The following GPR161 variants were observed in gnomAD, a reference collection of about 807,000 sequenced individuals.
The protein encoded by GPR161 is G-protein coupled receptor RE2.
GPR161 carries 25 observed loss-of-function variants against 39.2 expected under a neutral mutation model. The observed-to-expected ratio is 0.64, with a 90% CI of 0.47 to 0.89. GPR161 has a LOEUF of 0.89. Among genes scored for constraint, GPR161 ranks in the 40% least tolerant of loss-of-function variants. The pLI, the probability that GPR161 is intolerant of heterozygous loss-of-function variation, is 0.00. For synonymous variants in GPR161, 286 were observed against 276.6 expected (o/e 1.03, Z -0.34); for missense variants, 547 against 677.8 (o/e 0.81, Z 2.14).
At chr1:168,131,365 A>G (rs1698977950) in intron 1 of GPR161, among the ~76,000 whole-genome samples, 1 of 152,130 alleles carries the variant, frequency 6.6e-6, no homozygotes, top group Non-Finnish European at 1.5e-5. Flanking sequence ...CAAATTGCTC[A>G]CAGTTCTCCA....
In GPR161 at chr1:168,085,097, G is replaced by T. The variant is rs1295693673; in HGVS notation, c.*434C>A. 8.7e-6 allele frequency: 4 copies of T among 458,754 alleles called. No homozygotes were observed. Among genetic ancestry groups the T allele is most frequent in the Non-Finnish European group, 1.7e-5 (4 of 228,952 alleles). The allele number at this position is 458,754 out of a possible 1,614,324, so 28.4% of individuals were successfully genotyped here. A position where few individuals can be genotyped will look rare whatever the true frequency, so the allele number is the denominator to read the frequency against. ...CTGTGTCATCCTTCACAGTACACTG[G>T]GGAGGGTTCTCCTCCTGAGGCATCT... On this transcript the variant is annotated 3_prime_UTR_variant, in exon 6 of 6. Transcript: ENST00000682931.
At chr1:168,092,057 T>C (rs2102119594) in intron 3 of GPR161, among the ~76,000 whole-genome samples, 1 of 152,290 alleles carries the variant, frequency 6.6e-6, no homozygotes, top group East Asian at 1.9e-4. Flanking sequence ...GGCGGGGTGG[T>C]CACAGCAGGC....
At chr1:168,088,281 G>A (rs1311239785) in intron 4 of GPR161, 1 of 152,794 alleles carries the variant, frequency 6.5e-6, no homozygotes, top group Non-Finnish European at 1.5e-5. Context: ...ATGGGGCAGA[G>A]GGAAGGGAGG....
chr1:168,096,382 G>C lies in GPR161; in HGVS notation c.1099+126C>G, dbSNP rs1056974219. On this transcript the variant is annotated intron_variant, in intron 3 of 5. Coordinates refer to ENST00000682931, the MANE Select transcript of GPR161 (RefSeq NM_001375883.1). Reference sequence around the variant, plus strand: ...GCCTCTGGAATGTTTCTTCCGAAAGGAAATCTGTGCTTTGAGCCTTACCGC... The same window carrying C: ...GCCTCTGGAATGTTTCTTCCGAAAGCAAATCTGTGCTTTGAGCCTTACCGC... The C allele has an allele frequency of 3.1e-6, 3 of 969,818 alleles. No homozygotes were observed. In the South Asian group the frequency reaches 5.0e-5, roughly 16 times the overall value. 60.1% of individuals were successfully genotyped at this position (969,818 alleles called of 1,614,324 possible). A position where few individuals can be genotyped will look rare whatever the true frequency, so the allele number is the denominator to read the frequency against.
chr1:168,085,249 T>G lies in GPR161; in HGVS notation c.*282A>C. The G allele has an allele frequency of 6.1e-6, 3 of 495,508 alleles. No individual in the cohort carries two copies. Among genetic ancestry groups the G allele is most frequent in the Non-Finnish European group, 3.7e-6 (1 of 272,096 alleles). 30.7% of individuals were successfully genotyped at this position (495,508 alleles called of 1,614,324 possible). On this transcript the variant is annotated 3_prime_UTR_variant, in exon 6 of 6. Transcript: ENST00000682931. The stretch of plus-strand genomic sequence containing the variant: ...CACCTCCCAAAAAGCCACAGCCACA[T>G]CTCTAGATTTTTTTTTGGTTTTTTT...
chr1:168,135,565 C>T (rs1699292705), intron 1 of GPR161, among the ~76,000 whole-genome samples: 1 of 152,200 alleles, frequency 6.6e-6, no homozygotes, highest in South Asian at 2.1e-4. Flanking sequence ...TCTTCACTTG[C>T]TCCCAGTGGC....
intron 1 of GPR161, among the ~76,000 whole-genome samples, chr1:168,132,237 C>T (rs1028855858): frequency 2.0e-5 from 3 of 151,810 alleles, no homozygotes; most frequent in Non-Finnish European, 4.4e-5. Flanking sequence ...TGCACTCCAG[C>T]CTGGGCGACA....
At chr1:168,133,174 G>A (rs1699126827) in intron 1 of GPR161, among the ~76,000 whole-genome samples, 2 of 152,222 alleles carry the variant, frequency 1.3e-5, no homozygotes, top group Admixed American at 1.3e-4. Context: ...GGGAGATGTT[G>A]CCTTTTATAA....
chr1:168,108,003 C>T lies in GPR161; in HGVS notation c.-44-3109G>A, dbSNP rs536234567. ...TAAAGGAATAACTGAGGCTGGGTAACTTATAAAGAAAAGATGTTTATTTAG... is the reference window on the plus strand; with the variant it reads ...TAAAGGAATAACTGAGGCTGGGTAATTTATAAAGAAAAGATGTTTATTTAG... On this transcript the variant is annotated intron_variant, in intron 1 of 5. Transcript: ENST00000682931. Among the ~76,000 whole-genome samples, 5 of 152,272 alleles carry T rather than the reference C, an allele frequency of 3.3e-5. No individual in the cohort carries two copies. The East Asian group carries it at 9.7e-4, about 29-fold the overall frequency.
chr1:168,110,527 A>AAC (rs1558119373), intron 1 of GPR161, among the ~76,000 whole-genome samples: 1 of 111,848 alleles, frequency 8.9e-6, no homozygotes, highest in Admixed American at 1.1e-4. Context: ...AAAAAACGAA[A>AAC]GAAAGGAAAG....
chr1:168,103,261 A>G lies in GPR161; in HGVS notation c.374+1216T>C, dbSNP rs528779675. ...ATCACCTAAATGAAAAAAGGAGGAC[A>G]GAAAACCATAGGAGCCAGAAGCCTA... On this transcript the variant is annotated intron_variant, in intron 2 of 5. Coordinates refer to ENST00000682931, the MANE Select transcript of GPR161 (RefSeq NM_001375883.1). 2.6e-5 allele frequency among the ~76,000 whole-genome samples: 4 copies of G among 152,350 alleles called. No homozygotes were observed. The South Asian group carries it at 8.3e-4, about 32-fold the overall frequency.
chr1:168,129,117 A>C (rs949543221), intron 1 of GPR161, among the ~76,000 whole-genome samples: 3 of 152,236 alleles, frequency 2.0e-5, no homozygotes, highest in African/African-American at 7.2e-5. Context: ...TAGGTACTGT[A>C]AAGAAAGATC....
chr1:168,093,027 G>A (rs963704179), intron 3 of GPR161, among the ~76,000 whole-genome samples: 2 of 152,204 alleles, frequency 1.3e-5, no homozygotes, highest in African/African-American at 4.8e-5. Flanking sequence ...GTCGGCCAGC[G>A]GAAGGGCAGG....
intron 1 of GPR161, chr1:168,135,124 A>G: frequency 7.1e-7 from 1 of 1,407,894 alleles, no homozygotes. Flanking sequence ...AGGGGTCTCT[A>G]TTCTTGATGT....
In GPR161 at chr1:168,096,754, G is replaced by A; in HGVS notation, c.853C>T (p.Pro285Ser). 2 of 1,614,050 alleles carry A rather than the reference G, an allele frequency of 1.2e-6. No homozygotes were observed. Residue 285 changes from proline to serine, a missense_variant, in exon 3 of 6, where the codon CCC (proline) becomes TCC (serine). Transcript: ENST00000682931. Reference protein sequence around the residue: ...VLGAFMVTWGPYMVVIASEAL... With the variant: ...VLGAFMVTWGSYMVVIASEAL... ...TCAGAGGCGATGACAACCATGTAGG[G>A]GCCCCAGGTGACCATGAAGGCACCG... is the stretch of plus-strand genomic sequence containing the variant.
At chr1:168,137,557 A>C, upstream of GPR161, 1 of 658,254 alleles carries the variant, frequency 1.5e-6, no homozygotes. Flanking sequence ...TCGGAACCAA[A>C]AGGCCAGGGA....
chr1:168,102,914 A>ATTT (rs1696245920), intron 2 of GPR161, among the ~76,000 whole-genome samples: 7 of 150,788 alleles, frequency 4.6e-5, no homozygotes, highest in South Asian at 2.1e-4. Context: ...CTTTTTTTTA[A>ATTT]AAAAAAATTA....
rs1370578411 is a variant in GPR161, at chr1:168,085,656, C to T, written c.1465G>A (p.Val489Ile). ...FGEEALPGVL[V>I]TARTVPGGGF... ...CCCCCCGGGACAGTCCGTGCTGTAA[C>T]CAAGACCCCTGGCAAAGCCTCCTCC... The change falls in exon 6 of 6, where the codon GTT (valine) becomes ATT (isoleucine). Residue 489 changes from valine (V) to isoleucine (I), a missense_variant. Physicochemically the swap from Val to Ile is conservative, Grantham distance 29 (BLOSUM62 3). Transcript: ENST00000682931. The T allele has an allele frequency of 5.0e-6, 8 of 1,614,108 alleles. No homozygotes were observed. The Admixed American group carries it at 6.7e-5, about 13-fold the overall frequency.
intron 1 of GPR161, chr1:168,136,251 G>T: frequency 7.3e-7 from 1 of 1,370,024 alleles, no homozygotes; most frequent in African/African-American, 1.5e-5. Context: ...GGAGAAGGCT[G>T]CTCACCTGGT....
Sources: allele counts gnomAD v4.1 joint callset (sites outside exome capture counted in the v4.1 genomes callset), GRCh38; gene constraint gnomAD v4.1.1; transcripts MANE v1.5; gene names NCBI Gene and HGNC (gene_info 2026-07-23, HGNC 2026-07-21).